EXOC7: variants seen among roughly 807,000 people sequenced by gnomAD.
EXOC7 encodes the protein exocyst complex component Exo70.
In EXOC7, 51 loss-of-function variants were observed where a neutral mutation model predicts 87.6. The ratio of observed to expected loss-of-function variants is 0.58; its 90% CI spans 0.46 to 0.73. The LOEUF is 0.73. Among genes scored for constraint, EXOC7 ranks in the 30% least tolerant of loss-of-function variants. The probability of loss-of-function intolerance (pLI) is 0.00; values close to 1 mark genes in which losing one functional copy is unlikely to be tolerated. For missense variants in EXOC7, 744 were observed against 888.4 expected, an observed-to-expected ratio of 0.84 and a Z score of 2.07; for synonymous variants, 327 against 357.1, an observed-to-expected ratio of 0.92 and a Z score of 0.95.
intron 11 of EXOC7, 52 bp downstream of exon 11, chr17:76,088,008 G>C (rs2067291056): frequency 1.2e-6 from 2 of 1,603,138 alleles, no homozygotes; most frequent in Non-Finnish European, 1.7e-6. Flanking sequence ...CCTGGGCCTG[G>C]GCCTGGGCCC....
intron 4 of EXOC7, among the ~76,000 whole-genome samples, chr17:76,100,429 C>T (rs1039368840): frequency 1.3e-5 from 2 of 151,340 alleles, no homozygotes; most frequent in Non-Finnish European, 2.9e-5. Flanking sequence ...AAGTTTGTGA[C>T]CAAACTGGCT....
In EXOC7 at chr17:76,088,429, CGGGA is replaced by C. The variant is rs770039872; in HGVS notation, c.1299+31_1299+34del. The C allele has an allele frequency of 5.1e-5, 81 of 1,594,616 alleles. No individual in the cohort carries two copies. In the African/African-American group the frequency reaches 9.9e-4, roughly 20 times the overall value. On this transcript the variant is annotated intron_variant, in intron 10 of 18. Transcript: ENST00000589210. ...GGGCCAGGTCACTGTGGTGCTGGGC[CGGGA>C]GGGAGGGAGAAAGGGGAGGACAGCA... is the stretch of plus-strand genomic sequence containing the variant.
At chr17:76,091,448 C>G (rs1005576430) in intron 6 of EXOC7, 1 of 559,064 alleles carries the variant, frequency 1.8e-6, no homozygotes, top group Non-Finnish European at 3.2e-6. Context: ...ACTACCGACC[C>G]TCCTTGTTCT....
chr17:76,091,898 G>A (rs1024703363), intron 6 of EXOC7, among the ~76,000 whole-genome samples: 4 of 152,186 alleles, frequency 2.6e-5, no homozygotes, highest in African/African-American at 9.7e-5. Flanking sequence ...CACACAGAGC[G>A]CCTGGAGGGT....
rs373637080 is a variant in EXOC7, at chr17:76,081,514, G to A, written c.*2134C>T. 2.4e-5 allele frequency: 39 copies of A among 1,610,424 alleles called. No individual in the cohort carries two copies. In the African/African-American group the frequency reaches 3.6e-4, roughly 15 times the overall value. Reference sequence around the variant, plus strand: ...CCCGATGCCCACCTCCTTCCCCCCCGCCGGGAAGGCCCTGACTTTTCCCCT... The same window carrying A: ...CCCGATGCCCACCTCCTTCCCCCCCACCGGGAAGGCCCTGACTTTTCCCCT... On this transcript the variant is annotated 3_prime_UTR_variant, in exon 19 of 19. Transcript: ENST00000589210.
intron 10 of EXOC7, 134 bp downstream of exon 10, chr17:76,088,330 C>T: frequency 1.0e-6 from 1 of 991,440 alleles, no homozygotes; most frequent in Non-Finnish European, 1.5e-6. Context: ...CACATGGGTG[C>T]TGACAGGCCA....
At chr17:76,086,829 G>A in intron 12 of EXOC7, 2 of 1,549,976 alleles carry the variant, frequency 1.3e-6, no homozygotes, top group Non-Finnish European at 1.7e-6. Context: ...GGGACAGGAG[G>A]GGGCTGCAGA....
intron 5 of EXOC7, among the ~76,000 whole-genome samples, chr17:76,096,811 C>T (rs910034433): frequency 5.3e-5 from 8 of 152,094 alleles, no homozygotes; most frequent in African/African-American, 1.9e-4. Flanking sequence ...CCACCTTGGC[C>T]CCCCAAAGTG....
At chr17:76,098,101 GTCT>G in intron 4 of EXOC7, 83 bp from the exon 5 acceptor site, 1 of 1,255,038 alleles carries the variant, frequency 8.0e-7, no homozygotes, top group Non-Finnish European at 1.1e-6. Context: ...TGCCAGCTCT[GTCT>G]TCTTAACTCA....
intron 7 of EXOC7, 109 bp downstream of exon 7, chr17:76,091,034 C>T (rs2067453594): frequency 3.2e-6 from 3 of 926,246 alleles, no homozygotes; most frequent in South Asian, 1.4e-5. Context: ...TCCCACCCTG[C>T]TCCCCTCAGG....
At chr17:76,087,139 CA>C in intron 12 of EXOC7, 1 of 484,428 alleles carries the variant, frequency 2.1e-6, no homozygotes, top group Admixed American at 3.5e-5. Flanking sequence ...TCCTTGCCCC[CA>C]AAATGGGACG....
intron 15 of EXOC7, chr17:76,084,960 C>T (rs1349260515): frequency 4.5e-6 from 2 of 445,236 alleles, no homozygotes; most frequent in Non-Finnish European, 8.1e-6. Flanking sequence ...ACCAGAGAAG[C>T]AGCGGGATCC....
In EXOC7 at chr17:76,084,126, C is replaced by G; in HGVS notation, c.1832G>C (p.Gly611Ala). ...IKERFKGFND[G>A]LEELCKIQKA... ...CTGGATTTTGCACAGTTCTTCGAGG[C>G]CATCATTGAAGCCCTGGCCACCAAA... is the stretch of plus-strand genomic sequence containing the variant. Residue 611 changes from glycine (G) to alanine (A), a missense_variant, in exon 18 of 19, where the codon GGC (glycine) becomes GCC (alanine). Transcript: ENST00000589210. 1 of 1,600,256 alleles carries G rather than the reference C, an allele frequency of 6.2e-7. No individual in the cohort carries two copies.
chr17:76,081,611 T>A lies in EXOC7; in HGVS notation c.*2037A>T, dbSNP rs1324498017. The A allele has an allele frequency of 6.2e-7, 1 of 1,614,078 alleles. No individual in the cohort carries two copies. On this transcript the variant is annotated 3_prime_UTR_variant, in exon 19 of 19. Coordinates refer to ENST00000589210, the MANE Select transcript of EXOC7 (RefSeq NM_001013839.4). ...CTTGGTGCCTGCAGAGGCACTGCTGTTGGCTGACGTGTGCGGGGGGTTGCT... is the reference window on the plus strand; with the variant it reads ...CTTGGTGCCTGCAGAGGCACTGCTGATGGCTGACGTGTGCGGGGGGTTGCT...
chr17:76,092,175 G>A (rs2067516638), intron 6 of EXOC7: 1 of 152,254 alleles, frequency 6.6e-6, no homozygotes, highest in Non-Finnish European at 1.5e-5. Flanking sequence ...TCTGAGCACA[G>A]TGAGGCTGCT....
At position 76,081,109 on chromosome 17, in the gene EXOC7, G is replaced by A; in HGVS notation, c.*2539C>T. The stretch of plus-strand genomic sequence containing the variant: ...TCAACTGGAGACAATTTGGGATGTT[G>A]CAAAACAAGGTTTGGGAAGCCCTTC... On this transcript the variant is annotated 3_prime_UTR_variant, in exon 19 of 19. Coordinates refer to ENST00000589210, the MANE Select transcript of EXOC7 (RefSeq NM_001013839.4). 1.2e-6 allele frequency: 1 copy of A among 845,048 alleles called. No individual in the cohort carries two copies. Among genetic ancestry groups the A allele is most frequent in the Non-Finnish European group, 1.8e-6 (1 of 540,744 alleles). 52.3% of individuals were successfully genotyped at this position (845,048 alleles called of 1,614,324 possible).
Position 76,103,290 on chromosome 17 carries a change from A to G in EXOC7, c.126+71T>C, listed in dbSNP as rs559083390. ...AGAACTCCAGGCCGCAGGAACCGGA[A>G]CCGCCAGGTCGCAAGGCTCTCCCCC... On this transcript the variant is annotated intron_variant, in intron 2 of 18. Coordinates refer to ENST00000589210, the MANE Select transcript of EXOC7 (RefSeq NM_001013839.4). 4.4e-5 allele frequency: 63 copies of G among 1,438,462 alleles called. No homozygotes were observed. The African/African-American group carries it at 7.2e-4, about 16-fold the overall frequency. 89.1% of individuals were successfully genotyped at this position (1,438,462 alleles called of 1,614,324 possible).
At chr17:76,090,461 T>C (rs2067427026) in intron 7 of EXOC7, 2 of 1,551,604 alleles carry the variant, frequency 1.3e-6, no homozygotes, top group Non-Finnish European at 1.7e-6. Flanking sequence ...AGGCCGCCCC[T>C]TGGGGTACAG....
At position 76,101,373 on chromosome 17, in the gene EXOC7, G is replaced by A. The variant is rs769798494; in HGVS notation, c.315C>T (p.Pro105=). ...SDTEKIIREG[P]TGRLEEYLGS... is the part of the protein sequence containing the mutation. ...CCAGGTACTCTTCCAGCCTACCTGTGGGGCTGGGAAAGAAAAGAGCCAGGT... is the reference window on the plus strand; with the variant it reads ...CCAGGTACTCTTCCAGCCTACCTGTAGGGCTGGGAAAGAAAAGAGCCAGGT... Residue 105 remains proline (P), a synonymous_variant, in exon 4 of 19, where the codon CCC becomes CCT. Transcript: ENST00000589210. The A allele has an allele frequency of 1.7e-5, 27 of 1,613,908 alleles. No homozygotes were observed. In the East Asian group the frequency reaches 5.1e-4, roughly 31 times the overall value.
Sources: gnomAD v4.1 joint callset for allele counts (sites outside exome capture counted in the v4.1 genomes callset) on GRCh38, gnomAD v4.1.1 for gene constraint, MANE v1.5 for transcripts, NCBI Gene and HGNC (gene_info 2026-07-23, HGNC 2026-07-21) for gene names.